Variants in VIT observed in about 807,000 individuals in gnomAD.
VIT encodes vitrin.
In VIT, 99 loss-of-function variants were observed where a neutral mutation model predicts 78.0. The ratio of observed to expected loss-of-function variants is 1.27; its 90% CI spans 1.08 to 1.50. VIT has a LOEUF of 1.50. Among genes scored for constraint, VIT ranks in the 40% most tolerant of loss-of-function variants. The pLI, the probability that VIT is intolerant of heterozygous loss-of-function variation, is 0.00. For synonymous variants in VIT, 374 were observed against 334.3 expected (o/e 1.12, Z -1.29); for missense variants, 1,126 against 875.3 (o/e 1.29, Z -3.61).
rs1217581007 is a variant in VIT at position 36,814,347 on chromosome 2, C to A, written c.2068C>A (p.Gln690Lys). ...GAACATTTGTACAGAGTTCAACTCA[C>A]AGCCTCGGAACTGAATTCAGAGCAG... ...IQNICTEFNSQPRN is the reference protein window; with the variant it reads ...IQNICTEFNSKPRN Residue 690 changes from glutamine to lysine, a missense_variant, in exon 16 of 16, where the codon CAG becomes AAG. Gln to Lys is a moderately conservative substitution (Grantham distance 53, BLOSUM62 1). Coordinates refer to ENST00000379242, the MANE Select transcript of VIT (RefSeq NM_053276.4). The A allele has an allele frequency of 6.2e-7, 1 of 1,614,036 alleles. No homozygotes were observed. Among genetic ancestry groups the A allele is most frequent in the African/African-American group, 1.3e-5 (1 of 74,930 alleles).
In VIT at chr2:36,733,836, G is replaced by C. The variant is rs181696873; in HGVS notation, c.118+4345G>C. On this transcript the variant is annotated intron_variant, in intron 3 of 15. Transcript: ENST00000379242. ...AAACATCCTAAGAGGACAGGGTGGT[G>C]GGGGGCAGTGGCTCTCTCCTCTTCA... 3.3e-5 allele frequency among the ~76,000 whole-genome samples: 5 copies of C among 152,282 alleles called. No individual in the cohort carries two copies. In the East Asian group the frequency reaches 7.7e-4, roughly 23 times the overall value.
intron 4 of VIT, among the ~76,000 whole-genome samples, chr2:36,745,861 G>A (rs1668103215): frequency 6.6e-6 from 1 of 152,148 alleles, no homozygotes; most frequent in Non-Finnish European, 1.5e-5. Flanking sequence ...AGTGGTGAGA[G>A]TGAACATGCT....
intron 11 of VIT, among the ~76,000 whole-genome samples, chr2:36,786,521 C>A (rs1213948899): frequency 6.6e-6 from 1 of 152,072 alleles, no homozygotes; most frequent in Non-Finnish European, 1.5e-5. Context: ...GTCCTCATCA[C>A]AACTAAAAGA....
chr2:36,699,138 C>T (rs1664860812), intron 1 of VIT, among the ~76,000 whole-genome samples: 1 of 152,112 alleles, frequency 6.6e-6, no homozygotes, highest in Admixed American at 6.5e-5. Context: ...CAAGCATCAG[C>T]AGCAGTGGGG....
intron 2 of VIT, among the ~76,000 whole-genome samples, chr2:36,719,372 C>G (rs1330615509): frequency 2.6e-5 from 4 of 152,008 alleles, no homozygotes; most frequent in Non-Finnish European, 5.9e-5. Flanking sequence ...TAAAGACATT[C>G]AAAGTGAAAA....
At chr2:36,769,427 C>T (rs1669620456) in intron 7 of VIT, among the ~76,000 whole-genome samples, 2 of 152,144 alleles carry the variant, frequency 1.3e-5, no homozygotes, top group Admixed American at 6.5e-5. Flanking sequence ...GGACAACAGC[C>T]TCCTGGCCCA....
chr2:36,774,871 C>T (rs897291480), intron 8 of VIT, 131 bp from the exon 9 acceptor site: 83 of 1,485,302 alleles, frequency 5.6e-5, no homozygotes, highest in Non-Finnish European at 7.3e-5. Flanking sequence ...AGAAGTACAA[C>T]CAGGCACAGA....
chr2:36,705,724 T>C (rs1558501160), intron 1 of VIT, among the ~76,000 whole-genome samples: 2 of 152,212 alleles, frequency 1.3e-5, no homozygotes, highest in South Asian at 4.1e-4. Context: ...CAAAAGTACA[T>C]AGAATATTTA....
At position 36,729,494 on chromosome 2, in the gene VIT, A is replaced by G. The variant is rs761607551; in HGVS notation, c.118+3A>G. The G allele has an allele frequency of 8.1e-6, 13 of 1,609,248 alleles. No individual in the cohort carries two copies. Among genetic ancestry groups the G allele is most frequent in the Non-Finnish European group, 1.1e-5 (13 of 1,178,024 alleles). ...GAAGATTAAAAGGCCCAAGTTCAGT[A>G]AGTAAAATCACAATTCCTTGCTGGC... On this transcript the variant is annotated splice_donor_region_variant and intron_variant, in intron 3 of 15. Transcript: ENST00000379242.
chr2:36,754,018 G>A (rs1668621799), intron 4 of VIT, among the ~76,000 whole-genome samples: 1 of 152,162 alleles, frequency 6.6e-6, no homozygotes, highest in Non-Finnish European at 1.5e-5. Context: ...CCACAACTCA[G>A]GTATGCTGGG....
chr2:36,778,974 T>C (rs543003257), intron 9 of VIT, among the ~76,000 whole-genome samples: 4 of 152,222 alleles, frequency 2.6e-5, no homozygotes, highest in African/African-American at 7.2e-5. Flanking sequence ...CAAAGGGCCA[T>C]GTTTGCAGCT....
intron 12 of VIT, among the ~76,000 whole-genome samples, chr2:36,797,633 T>A (rs1371821973): frequency 1.3e-5 from 2 of 152,114 alleles, no homozygotes; most frequent in Non-Finnish European, 2.9e-5. Flanking sequence ...GGAAGCCATT[T>A]TATGTATATG....
At chr2:36,703,750 A>G (rs1665219667) in intron 1 of VIT, among the ~76,000 whole-genome samples, 1 of 152,176 alleles carries the variant, frequency 6.6e-6, no homozygotes, top group African/African-American at 2.4e-5. Context: ...AAAGCCTGGG[A>G]TATTGGCATC....
At chr2:36,731,642 G>T (rs548552598) in intron 3 of VIT, among the ~76,000 whole-genome samples, 1 of 152,226 alleles carries the variant, frequency 6.6e-6, no homozygotes, top group African/African-American at 2.4e-5. Context: ...AAAAAAAGAA[G>T]AATTGATATT....
chr2:36,795,092 A>G (rs1165917056), intron 12 of VIT, among the ~76,000 whole-genome samples: 7 of 152,132 alleles, frequency 4.6e-5, no homozygotes, highest in African/African-American at 1.4e-4. Context: ...CCTGGATGCT[A>G]AGTACTAGGG....
intron 3 of VIT, among the ~76,000 whole-genome samples, chr2:36,729,766 A>G (rs1164234962): frequency 1.3e-5 from 2 of 152,204 alleles, no homozygotes; most frequent in African/African-American, 2.4e-5. Context: ...GTATGTCTCT[A>G]TGGCTAAGCG....
chr2:36,712,947 C>T (rs1665897697), intron 1 of VIT, among the ~76,000 whole-genome samples: 1 of 152,214 alleles, frequency 6.6e-6, no homozygotes, highest in Admixed American at 6.5e-5. Flanking sequence ...GGAGAGCGCT[C>T]ATTACTCACA....
At position 36,787,250 on chromosome 2, in the gene VIT, T is replaced by C. The variant is rs768404170; in HGVS notation, c.1032T>C (p.Gly344=). The C allele has an allele frequency of 4.3e-6, 7 of 1,614,096 alleles. No homozygotes were observed. In the East Asian group the frequency reaches 1.6e-4, roughly 36 times the overall value. Residue 344 remains glycine (G), a synonymous_variant, in exon 12 of 16, where the codon GGT becomes GGC. Coordinates refer to ENST00000379242, the MANE Select transcript of VIT (RefSeq NM_053276.4). The part of the protein sequence containing the change: ...VAQALDIGPA[G]PLMGVVQYGD... Reference sequence around the variant, plus strand: ...AAGCTCTTGACATTGGCCCTGCCGGTCCACTGATGGGTGTTGTCCAGTATG... The same window carrying C: ...AAGCTCTTGACATTGGCCCTGCCGGCCCACTGATGGGTGTTGTCCAGTATG...
intron 14 of VIT, 107 bp downstream of exon 14, chr2:36,805,771 C>T (rs1006373761): frequency 1.2e-5 from 15 of 1,225,284 alleles, no homozygotes; most frequent in Non-Finnish European, 1.6e-5. Context: ...GCATGAAGCT[C>T]ATCTCTAGGC....
Sources: allele counts gnomAD v4.1 joint callset (sites outside exome capture counted in the v4.1 genomes callset), GRCh38; gene constraint gnomAD v4.1.1; transcripts MANE v1.5; gene names NCBI Gene and HGNC (gene_info 2026-07-23, HGNC 2026-07-21).